Variants in KCNS3 observed in about 807,000 individuals in gnomAD.
KCNS3 encodes potassium voltage-gated channel modifier subfamily S member 3.
In KCNS3, 13 loss-of-function variants were observed where a neutral mutation model predicts 31.0. The ratio of observed to expected loss-of-function variants is 0.42; its 90% CI spans 0.27 to 0.67. The LOEUF is 0.67. Ranked by LOEUF, KCNS3 falls within the 30% of genes least tolerant of loss-of-function variation. KCNS3 has a pLI of 0.25. For synonymous variants in KCNS3, 238 were observed against 241.5 expected (o/e 0.99, Z 0.13); for missense variants, 545 against 622.4 (o/e 0.88, Z 1.32).
At chr2:17,884,269 ATATATATAT>A (rs1558445153) in intron 1 of KCNS3, among the ~76,000 whole-genome samples, 5 of 35,570 alleles carry the variant, frequency 1.4e-4, no homozygotes, top group African/African-American at 2.8e-4. Context: ...AAAAAAAAAA[ATATATATAT>A]ATATATATAT....
intron 1 of KCNS3, among the ~76,000 whole-genome samples, chr2:17,891,214 T>C (rs903111011): frequency 5.3e-5 from 8 of 152,198 alleles, no homozygotes; most frequent in Non-Finnish European, 8.8e-5. Context: ...TTGTCTGATA[T>C]AAGAATAGCT....
At chr2:17,921,959 A>T (rs1372275224) in intron 2 of KCNS3, among the ~76,000 whole-genome samples, 2 of 131,746 alleles carry the variant, frequency 1.5e-5, no homozygotes, top group African/African-American at 2.9e-5. Flanking sequence ...ATATATATAT[A>T]AATACATATA....
intron 1 of KCNS3, among the ~76,000 whole-genome samples, chr2:17,885,802 C>T (rs192133397): frequency 1.5e-4 from 23 of 152,270 alleles, no homozygotes; most frequent in African/African-American, 5.3e-4. Flanking sequence ...TAATGTTTGA[C>T]CAAATGTCTG....
chr2:17,884,268 A>AAAATATAT (rs1459540269), intron 1 of KCNS3, among the ~76,000 whole-genome samples: 36 of 46,662 alleles, frequency 7.7e-4, no homozygotes, highest in Admixed American at 4.0e-3. Context: ...AAAAAAAAAA[A>AAAATATAT]ATATATATAT....
At position 17,932,344 on chromosome 2, in the gene KCNS3, C is replaced by T. The variant is rs372549198; in HGVS notation, c.1336C>T (p.Gln446Ter). 1.0e-4 allele frequency: 164 copies of T among 1,613,962 alleles called. No individual in the cohort carries two copies. Among genetic ancestry groups the T allele is most frequent in the Non-Finnish European group, 1.3e-4 (156 of 1,179,986 alleles). The change falls in exon 3 of 3, where the codon CAG becomes TAG. Residue 446 changes from glutamine to a stop codon, truncating the protein, a stop_gained. Coordinates refer to ENST00000304101, the MANE Select transcript of KCNS3 (RefSeq NM_002252.5). LOFTEE classifies it high-confidence loss of function. The part of the protein sequence containing the change: ...PYFNIRDIYA[Q>*]RMHTFITSLS... ...CTTTAACATTAGGGATATATATGCA[C>T]AGCGGATGCACACCTTCATTACCAG...
At position 17,932,251 on chromosome 2, in the gene KCNS3, A is replaced by G. The variant is rs1007548285; in HGVS notation, c.1243A>G (p.Lys415Glu). The G allele has an allele frequency of 3.7e-6, 6 of 1,613,840 alleles. No homozygotes were observed. In the African/African-American group the frequency reaches 6.7e-5, roughly 18 times the overall value. The change falls in exon 3 of 3, where the codon AAG becomes GAG. Residue 415 changes from lysine (K) to glutamate (E), a missense_variant. Lys to Glu is a moderately conservative substitution (Grantham distance 56). Transcript: ENST00000304101. The part of the protein sequence containing the change: ...IFNKFSKYYQ[K>E]QKDIDVDQCS... ...CAACAAGTTTTCCAAGTACTACCAGAAGCAAAAGGACATTGATGTGGACCA... is the reference window on the plus strand; with the variant it reads ...CAACAAGTTTTCCAAGTACTACCAGGAGCAAAAGGACATTGATGTGGACCA...
intron 2 of KCNS3, 114 bp from the exon 3 acceptor site, chr2:17,930,836 G>A: frequency 1.7e-6 from 1 of 604,044 alleles, no homozygotes; most frequent in Non-Finnish European, 2.8e-6. Flanking sequence ...CATTTTTATT[G>A]CATTTCCTGC....
intron 2 of KCNS3, 37 bp from the exon 3 acceptor site, chr2:17,930,913 A>G: frequency 7.1e-7 from 1 of 1,417,766 alleles, no homozygotes. Context: ...TGGGCACGGC[A>G]GGACAGAGTG....
intron 1 of KCNS3, among the ~76,000 whole-genome samples, chr2:17,898,081 G>A (rs1662074135): frequency 6.6e-6 from 1 of 152,028 alleles, no homozygotes. Flanking sequence ...GCTTATTTTT[G>A]TTGACTTTGT....
At position 17,909,483 on chromosome 2, in the gene KCNS3, G is replaced by A. The variant is rs147679665; in HGVS notation, c.-251-8197G>A. Among the ~76,000 whole-genome samples, 477 of 152,212 alleles carry A rather than the reference G, an allele frequency of 3.1e-3. 2 individuals carry two copies. Among genetic ancestry groups the A allele is most frequent in the African/African-American group, 0.011 (453 of 41,544 alleles). ...CACTGTCCTGCCCCCACTGTCTGAC[G>A]AGCCCCAGTGAGATGAACCCGGTAC... On this transcript the variant is annotated intron_variant, in intron 1 of 2. Coordinates refer to ENST00000304101, the MANE Select transcript of KCNS3 (RefSeq NM_002252.5).
rs574396965 is a variant in KCNS3 at position 17,910,398 on chromosome 2, T to G, written c.-251-7282T>G. ...AATTTTAGTTAGAGATTGGTGAAAA[T>G]AAATATTTTTTTCTGTCTAAATTCA... On this transcript the variant is annotated intron_variant, in intron 1 of 2. Coordinates refer to ENST00000304101, the MANE Select transcript of KCNS3 (RefSeq NM_002252.5). Among the ~76,000 whole-genome samples the G allele has an allele frequency of 7.9e-5, 12 of 152,244 alleles. No individual in the cohort carries two copies. In the South Asian group the frequency reaches 2.5e-3, roughly 32 times the overall value.
At chr2:17,896,002 T>C (rs567962589) in intron 1 of KCNS3, among the ~76,000 whole-genome samples, 70 of 152,294 alleles carry the variant, frequency 4.6e-4, no homozygotes, top group African/African-American at 1.6e-3. Flanking sequence ...AAGATTTACA[T>C]AGAGTATTGG....
At chr2:17,910,838 G>A (rs1285952275) in intron 1 of KCNS3, among the ~76,000 whole-genome samples, 1 of 152,182 alleles carries the variant, frequency 6.6e-6, no homozygotes, top group Non-Finnish European at 1.5e-5. Flanking sequence ...TCACAAAGAT[G>A]TGGATAGTAC....
intron 1 of KCNS3, among the ~76,000 whole-genome samples, chr2:17,915,856 A>T (rs1361511299): frequency 1.3e-5 from 2 of 152,198 alleles, no homozygotes; most frequent in Non-Finnish European, 1.5e-5. Context: ...GATAGGAATC[A>T]TGGTGATGGA....
intron 1 of KCNS3, among the ~76,000 whole-genome samples, chr2:17,906,899 T>G (rs1002173525): frequency 2.0e-5 from 3 of 152,228 alleles, no homozygotes; most frequent in African/African-American, 7.2e-5. Flanking sequence ...AATTTTGGAA[T>G]AAGTGTGATG....
intron 1 of KCNS3, among the ~76,000 whole-genome samples, chr2:17,889,492 C>T (rs1169444095): frequency 6.6e-6 from 1 of 152,150 alleles, no homozygotes; most frequent in Non-Finnish European, 1.5e-5. Flanking sequence ...GAGTGGGCAT[C>T]CTTGTCTTGT....
intron 1 of KCNS3, among the ~76,000 whole-genome samples, chr2:17,895,189 A>G (rs1294594557): frequency 2.0e-5 from 3 of 152,204 alleles, no homozygotes; most frequent in Admixed American, 1.3e-4. Flanking sequence ...CATATTTATT[A>G]TATCTTTTAA....
chr2:17,929,175 C>T (rs918957694), intron 2 of KCNS3, among the ~76,000 whole-genome samples: 8 of 152,206 alleles, frequency 5.3e-5, no homozygotes, highest in African/African-American at 1.9e-4. Context: ...TTCGATGCCT[C>T]TGGTGGGAAT....
chr2:17,898,838 T>A (rs1662093839), intron 1 of KCNS3, among the ~76,000 whole-genome samples: 1 of 152,150 alleles, frequency 6.6e-6, no homozygotes, highest in Non-Finnish European at 1.5e-5. Context: ...CTAGAGTGGG[T>A]CAAATTAGCA....
Sources: allele counts gnomAD v4.1 joint callset (sites outside exome capture counted in the v4.1 genomes callset), GRCh38; gene constraint gnomAD v4.1.1; transcripts MANE v1.5; gene names NCBI Gene and HGNC (gene_info 2026-07-23, HGNC 2026-07-21).